The following AKAP6 variants were observed in gnomAD, a reference collection of about 807,000 sequenced individuals.
AKAP6 encodes the protein A-kinase anchoring protein 6, also known as A-kinase anchor protein 6.
In AKAP6, 58 loss-of-function variants were observed where a neutral mutation model predicts 188.5. The observed-to-expected ratio is 0.31, with a 90% CI of 0.25 to 0.38. The LOEUF (loss-of-function observed/expected upper bound fraction) is 0.38. AKAP6 is among the 10% of genes least tolerant of loss of function. AKAP6 has a pLI of 1.00. For synonymous variants in AKAP6, 989 were observed against 998.6 expected (o/e 0.99, Z 0.18); for missense variants, 2,710 against 2,740.0 (o/e 0.99, Z 0.24).
At chr14:32,597,077 T>C (rs1046172839) in intron 5 of AKAP6, among the ~76,000 whole-genome samples, 5 of 152,224 alleles carry the variant, frequency 3.3e-5, no homozygotes, top group African/African-American at 1.2e-4. Context: ...TTTTTCCTAA[T>C]AATGAATACC....
chr14:32,788,400 C>T (rs997121128), intron 12 of AKAP6, among the ~76,000 whole-genome samples: 26 of 152,162 alleles, frequency 1.7e-4, no homozygotes, highest in African/African-American at 5.6e-4. Context: ...TCTGTGGCCG[C>T]GGAACTCACG....
At chr14:32,578,964 G>A (rs995629325) in intron 5 of AKAP6, among the ~76,000 whole-genome samples, 6 of 152,118 alleles carry the variant, frequency 3.9e-5, no homozygotes, top group African/African-American at 1.4e-4. Flanking sequence ...GTTCACTGGA[G>A]CTTTTGGTGA....
At chr14:32,341,416 C>T (rs1466141851) in intron 1 of AKAP6, among the ~76,000 whole-genome samples, 1 of 152,144 alleles carries the variant, frequency 6.6e-6, no homozygotes, top group Non-Finnish European at 1.5e-5. Flanking sequence ...TTTCATGATA[C>T]TTTGATAACA....
At position 32,813,832 on chromosome 14, in the gene AKAP6, A is replaced by C. The variant is rs144168879; in HGVS notation, c.3589-7570A>C. 2.4e-3 allele frequency among the ~76,000 whole-genome samples: 364 copies of C among 151,284 alleles called. 2 individuals are homozygous for C. The highest frequency in any genetic ancestry group is 8.5e-3 in the African/African-American group (350 of 41,244). The stretch of plus-strand genomic sequence containing the variant: ...TTTATAGAACATTCAAGGTCTTTGC[A>C]ACTTATTCTTCACACACAAAATCAA... On this transcript the variant is annotated intron_variant, in intron 12 of 13. Coordinates refer to ENST00000280979, the MANE Select transcript of AKAP6 (RefSeq NM_004274.5).
intron 1 of AKAP6, among the ~76,000 whole-genome samples, chr14:32,385,774 T>C (rs1888513196): frequency 6.6e-6 from 1 of 151,308 alleles, no homozygotes; most frequent in Admixed American, 6.6e-5. Flanking sequence ...ATTCATCATA[T>C]ATATATGAGA....
chr14:32,824,030 A>G lies in AKAP6; in HGVS notation c.6217A>G (p.Ser2073Gly). The stretch of plus-strand genomic sequence containing the variant: ...TGACATGGCTTCGACAGCCCTAAAA[A>G]GTAAATCTCAACCTGAAAACGAGGT... ...IIDMASTALK[S>G]KSQPENEVAA... The change falls in exon 13 of 14, where the codon AGT becomes GGT. Residue 2073 changes from serine to glycine, a missense_variant. By Grantham distance (56) the Ser-to-Gly change is moderately conservative. Coordinates refer to ENST00000280979, the MANE Select transcript of AKAP6 (RefSeq NM_004274.5). The G allele has an allele frequency of 6.2e-7, 1 of 1,613,944 alleles. No individual in the cohort carries two copies. The highest frequency in any genetic ancestry group is 1.7e-5 in the Admixed American group (1 of 59,930).
At chr14:32,780,462 T>C (rs113139503) in intron 12 of AKAP6, among the ~76,000 whole-genome samples, 2 of 152,296 alleles carry the variant, frequency 1.3e-5, no homozygotes, top group African/African-American at 4.8e-5. Context: ...TCTGAGATGA[T>C]GGATATGTAA....
chr14:32,654,861 A>G (rs966299510), intron 7 of AKAP6, among the ~76,000 whole-genome samples: 2 of 152,138 alleles, frequency 1.3e-5, no homozygotes, highest in East Asian at 3.9e-4. Context: ...GAATAAAAAA[A>G]AAAAGTATTA....
intron 9 of AKAP6, among the ~76,000 whole-genome samples, chr14:32,708,643 T>A (rs1333845691): frequency 6.6e-6 from 1 of 151,756 alleles, no homozygotes; most frequent in African/African-American, 2.4e-5. Context: ...CATTTTTTTT[T>A]ACTTAGTGAT....
chr14:32,515,527 G>A (rs571590844), intron 2 of AKAP6, among the ~76,000 whole-genome samples: 105 of 152,180 alleles, frequency 6.9e-4, no homozygotes, highest in Middle Eastern at 3.4e-3. Context: ...GCTGTCTTAT[G>A]GGTGGAGTAC....
chr14:32,750,765 T>C (rs61981385), intron 11 of AKAP6, among the ~76,000 whole-genome samples: 87,133 of 141,876 alleles, frequency 0.61, 29,870 homozygotes, highest in Non-Finnish European at 0.76. Flanking sequence ...TTTTTTCAGA[T>C]GGAGTCTCAC....
At position 32,546,171 on chromosome 14, in the gene AKAP6, T is replaced by G; in HGVS notation, c.1518T>G (p.Pro506=). The change falls in exon 4 of 14, where the codon CCT becomes CCG. Residue 506 remains proline, a synonymous_variant. Transcript: ENST00000280979. ...CACACAAGACCTCAGAAGAGGTGCC[T>G]CCATGCCGAACACCTAAACGGGGGA... ...KKPHKTSEEV[P]PCRTPKRGTG... The G allele has an allele frequency of 6.2e-7, 1 of 1,614,016 alleles. No individual in the cohort carries two copies. The highest frequency in any genetic ancestry group is 8.5e-7 in the Non-Finnish European group (1 of 1,180,002).
At chr14:32,805,140 G>A (rs544175138) in intron 12 of AKAP6, among the ~76,000 whole-genome samples, 13 of 152,290 alleles carry the variant, frequency 8.5e-5, no homozygotes, top group East Asian at 5.8e-4. Flanking sequence ...TAAGACAGGC[G>A]TAAGAAGTTA....
intron 1 of AKAP6, among the ~76,000 whole-genome samples, chr14:32,372,912 C>T (rs895925628): frequency 1.3e-5 from 2 of 151,738 alleles, no homozygotes; most frequent in Admixed American, 6.6e-5. Flanking sequence ...TTTGAGAATA[C>T]TGAGAATGAT....
At position 32,514,092 on chromosome 14, in the gene AKAP6, A is replaced by G. The variant is rs1356850311; in HGVS notation, c.325-21462A>G. Among the ~76,000 whole-genome samples the G allele has an allele frequency of 7.2e-5, 11 of 152,292 alleles. No individual in the cohort carries two copies. The South Asian group carries it at 1.7e-3, about 23-fold the overall frequency. ...TCCTGTGAATAAAATTGTTGGGTCAATGGGAGGTAATGGAGCTTTCCAAAG... is the reference window on the plus strand; with the variant it reads ...TCCTGTGAATAAAATTGTTGGGTCAGTGGGAGGTAATGGAGCTTTCCAAAG... On this transcript the variant is annotated intron_variant, in intron 2 of 13. Coordinates refer to ENST00000280979, the MANE Select transcript of AKAP6 (RefSeq NM_004274.5).
intron 2 of AKAP6, among the ~76,000 whole-genome samples, chr14:32,497,023 G>C (rs576177282): frequency 1.3e-5 from 2 of 152,092 alleles, no homozygotes; most frequent in Non-Finnish European, 2.9e-5. Context: ...TGCTGCCTAC[G>C]GTGTTTTTGA....
rs145564019 is a variant in AKAP6, at chr14:32,834,898, G to A, written c.*5093G>A. On this transcript the variant is annotated 3_prime_UTR_variant, in exon 14 of 14. Transcript: ENST00000280979. Reference sequence around the variant, plus strand: ...CAAATTCAGCTCGTTGCCTGTTCTGGTTTGACCCATTTGAACAATTGACGA... The same window carrying A: ...CAAATTCAGCTCGTTGCCTGTTCTGATTTGACCCATTTGAACAATTGACGA... The A allele has an allele frequency of 2.0e-4, 31 of 152,246 alleles. No individual in the cohort carries two copies. The highest frequency in any genetic ancestry group is 7.0e-4 in the African/African-American group (29 of 41,544). 9.4% of individuals were successfully genotyped at this position (152,246 alleles called of 1,614,324 possible).
intron 4 of AKAP6, among the ~76,000 whole-genome samples, chr14:32,554,020 A>C (rs1355069497): frequency 6.6e-6 from 1 of 152,284 alleles, no homozygotes. Context: ...AAAGGGAAGA[A>C]TATATCTGGA....
At chr14:32,784,604 G>A (rs2033347804) in intron 12 of AKAP6, among the ~76,000 whole-genome samples, 1 of 152,170 alleles carries the variant, frequency 6.6e-6, no homozygotes. Flanking sequence ...CCAAGAGAGT[G>A]GGGCTGTTGT....
Sources: gnomAD v4.1 joint callset for allele counts (sites outside exome capture counted in the v4.1 genomes callset) on GRCh38, gnomAD v4.1.1 for gene constraint, MANE v1.5 for transcripts, NCBI Gene and HGNC (gene_info 2026-07-23, HGNC 2026-07-21) for gene names.